GRM1: variants seen among roughly 807,000 people sequenced by gnomAD.
GRM1 encodes metabotropic glutamate receptor 1.
GRM1 carries 33 observed loss-of-function variants against 90.9 expected under a neutral mutation model. The observed-to-expected ratio is 0.36, with a 90% confidence interval of 0.28 to 0.49. The LOEUF (loss-of-function observed/expected upper bound fraction) is 0.49. GRM1 is among the 20% of genes least tolerant of loss of function. The pLI, the probability that GRM1 is intolerant of heterozygous loss-of-function variation, is 0.99. For synonymous variants in GRM1, 700 were observed against 613.2 expected (o/e 1.14, Z -2.09); for missense variants, 1,190 against 1,534.3 (o/e 0.78, Z 3.75).
rs1230617012 is a variant in GRM1, at chr6:146,399,402, C to T, written c.2363C>T (p.Ala788Val). 6.2e-7 allele frequency: 1 copy of T among 1,614,186 alleles called. No individual in the cohort carries two copies. The highest frequency in any genetic ancestry group is 8.5e-7 in the Non-Finnish European group (1 of 1,180,038). The change falls in exon 7 of 8, where the codon GCG becomes GTG. Residue 788 changes from alanine (A) to valine (V), a missense_variant. Physicochemically the swap from Ala to Val is moderately conservative, Grantham distance 64 (BLOSUM62 0). Transcript: ENST00000282753. This position sits in a 1 kb window ranked among gnomAD's most constrained non-coding sequence, Gnocchi z 5.4. ...PANFNEAKYI[A>V]FTMYTTCIIW... Reference sequence around the variant, plus strand: ...AACTTCAACGAGGCCAAATATATCGCGTTCACCATGTACACCACCTGTATC... The same window carrying T: ...AACTTCAACGAGGCCAAATATATCGTGTTCACCATGTACACCACCTGTATC...
intron 1 of GRM1, among the ~76,000 whole-genome samples, chr6:146,031,230 T>A (rs1790696544): frequency 6.6e-6 from 1 of 152,164 alleles, no homozygotes; most frequent in African/African-American, 2.4e-5. Context: ...AGTCCCCCAG[T>A]AGGTTTATGA....
intron 2 of GRM1, among the ~76,000 whole-genome samples, chr6:146,254,362 C>T (rs539265995): frequency 6.6e-6 from 1 of 152,114 alleles, no homozygotes; most frequent in Non-Finnish European, 1.5e-5. Flanking sequence ...GTTTCCATCC[C>T]AGCAAGACTC....
intron 2 of GRM1, among the ~76,000 whole-genome samples, chr6:146,279,253 A>C (rs1418359545): frequency 6.6e-6 from 1 of 151,962 alleles, no homozygotes; most frequent in Non-Finnish European, 1.5e-5. Flanking sequence ...TCTCTCTTTC[A>C]GTATATCTAG....
intron 6 of GRM1, among the ~76,000 whole-genome samples, chr6:146,392,640 C>T (rs1776771015): frequency 6.6e-6 from 1 of 152,130 alleles, no homozygotes; most frequent in South Asian, 2.1e-4. Flanking sequence ...CACCCATCAA[C>T]CCGTCATCTA....
At chr6:146,146,812 A>C (rs1777126745) in intron 1 of GRM1, among the ~76,000 whole-genome samples, 1 of 152,148 alleles carries the variant, frequency 6.6e-6, no homozygotes, top group Admixed American at 6.5e-5. Context: ...TAGACCTTGG[A>C]CTTCCCAGAC....
chr6:146,363,196 C>T (rs765297758), intron 5 of GRM1, among the ~76,000 whole-genome samples: 2 of 152,052 alleles, frequency 1.3e-5, no homozygotes, highest in Non-Finnish European at 2.9e-5. Flanking sequence ...CACCATAGGC[C>T]ATTGATTAAA....
intron 1 of GRM1, among the ~76,000 whole-genome samples, chr6:146,072,908 G>C (rs888775033): frequency 1.3e-5 from 2 of 152,026 alleles, no homozygotes; most frequent in Non-Finnish European, 2.9e-5. Flanking sequence ...TAAGAAATGG[G>C]ACTTGCTGCC....
At chr6:146,208,562 C>G (rs768104047) in intron 2 of GRM1, among the ~76,000 whole-genome samples, 28 of 152,098 alleles carry the variant, frequency 1.8e-4, no homozygotes, top group Non-Finnish European at 7.4e-5. Context: ...TTTCTGGACT[C>G]TGCCAATCTT....
intron 1 of GRM1, among the ~76,000 whole-genome samples, chr6:146,075,864 C>G (rs1282837807): frequency 6.6e-6 from 1 of 152,154 alleles, no homozygotes; most frequent in East Asian, 1.9e-4. Flanking sequence ...CTCTGAATGT[C>G]CACTCCTCTT....
intron 6 of GRM1, among the ~76,000 whole-genome samples, chr6:146,397,983 C>G (rs1323038739): frequency 6.6e-6 from 1 of 152,192 alleles, no homozygotes; most frequent in Non-Finnish European, 1.5e-5. Context: ...GGGGTTGTCC[C>G]AGAGCCTGAC....
chr6:146,204,047 G>A (rs1284955274), intron 2 of GRM1, among the ~76,000 whole-genome samples: 1 of 152,104 alleles, frequency 6.6e-6, no homozygotes, highest in African/African-American at 2.4e-5. Context: ...TGTTCTTATT[G>A]AGTGTTAATT....
chr6:146,215,911 C>G (rs1249418200), intron 2 of GRM1, among the ~76,000 whole-genome samples: 1 of 152,106 alleles, frequency 6.6e-6, no homozygotes, highest in Non-Finnish European at 1.5e-5. Context: ...TGCCTGCCAC[C>G]ATGCCCGGCT....
At chr6:146,408,792 C>A (rs1157217124) in intron 7 of GRM1, among the ~76,000 whole-genome samples, 1 of 152,162 alleles carries the variant, frequency 6.6e-6, no homozygotes, top group African/African-American at 2.4e-5. Flanking sequence ...CCTGCTTGGC[C>A]TCAGCTAAAG....
At chr6:146,060,106 G>A (rs1443593815) in intron 1 of GRM1, among the ~76,000 whole-genome samples, 3 of 152,182 alleles carry the variant, frequency 2.0e-5, no homozygotes, top group African/African-American at 4.8e-5. Context: ...GGTGAAAGGG[G>A]TCTAGCTTTT....
chr6:146,098,539 CT>C (rs1239401495), intron 1 of GRM1, among the ~76,000 whole-genome samples: 2 of 151,998 alleles, frequency 1.3e-5, no homozygotes, highest in Non-Finnish European at 2.9e-5. Context: ...AGATGTATAA[CT>C]AAACGTGTTG....
In GRM1 at chr6:146,411,378, C is replaced by T. The variant is rs930184070; in HGVS notation, c.2660+11679C>T. On this transcript the variant is annotated intron_variant, in intron 7 of 7. Coordinates refer to ENST00000282753, the MANE Select transcript of GRM1 (RefSeq NM_001278064.2). ...ATGGAAATGAAGCAATTCCAGGATG[C>T]CTGGAGCAGAGGAAGTAAGAAGGAA... Among the ~76,000 whole-genome samples, 12 of 152,088 alleles carry T rather than the reference C, an allele frequency of 7.9e-5. No individual in the cohort carries two copies. The East Asian group carries it at 1.3e-3, about 17-fold the overall frequency.
intron 2 of GRM1, among the ~76,000 whole-genome samples, chr6:146,270,896 T>TCTTTCTTTCTTC (rs1782115072): frequency 8.8e-6 from 1 of 113,682 alleles, no homozygotes; most frequent in African/African-American, 4.4e-5. Context: ...TTTCTTTCTT[T>TCTTTCTTTCTTC]CTTTCTTTCT....
chr6:146,368,290 C>A (rs1176181156), intron 5 of GRM1, among the ~76,000 whole-genome samples: 2 of 127,840 alleles, frequency 1.6e-5, no homozygotes, highest in South Asian at 2.6e-4. Flanking sequence ...TTAGATTTTT[C>A]TAAATAGATT....
At chr6:146,077,547 C>A (rs1776229160) in intron 1 of GRM1, among the ~76,000 whole-genome samples, 1 of 152,132 alleles carries the variant, frequency 6.6e-6, no homozygotes, top group African/African-American at 2.4e-5. Flanking sequence ...ACTAGCTGGA[C>A]TGAGCATCAC....
Sources: gnomAD v4.1 joint callset for allele counts (sites outside exome capture counted in the v4.1 genomes callset) on GRCh38, gnomAD v4.1.1 for gene constraint, Gnocchi (gnomAD v3.1) non-coding constraint, MANE v1.5 for transcripts, NCBI Gene and HGNC (gene_info 2026-07-23, HGNC 2026-07-21) for gene names.